Variants in DPP6 observed in about 807,000 individuals in gnomAD.
DPP6 encodes A-type potassium channel modulatory protein DPP6.
A neutral mutation model predicts 122.6 loss-of-function variants in DPP6; 69 were observed. That is an observed-to-expected ratio of 0.56 (90% CI 0.46 to 0.69). The LOEUF (loss-of-function observed/expected upper bound fraction) is 0.69. Among genes scored for constraint, DPP6 ranks in the 30% least tolerant of loss-of-function variants. The pLI, the probability that DPP6 is intolerant of heterozygous loss-of-function variation, is 0.00. For missense variants in DPP6, 928 were observed against 1,116.9 expected, an observed-to-expected ratio of 0.83 and a Z score of 2.41; for synonymous variants, 418 against 433.1, an observed-to-expected ratio of 0.97 and a Z score of 0.43.
chr7:154,663,788 C>G (rs1310265647), intron 6 of DPP6, among the ~76,000 whole-genome samples: 43 of 111,112 alleles, frequency 3.9e-4, no homozygotes, highest in Non-Finnish European at 5.9e-4. Context: ...GGCGTATCGG[C>G]CATAGTGTTC....
At chr7:154,438,201 C>T (rs1973359) in intron 1 of DPP6, among the ~76,000 whole-genome samples, 114,958 of 151,870 alleles carry the variant, frequency 0.76, 44,327 homozygotes, top group East Asian at 0.95. Context: ...GGCACTGTGG[C>T]AAATGCCTGT....
intron 8 of DPP6, among the ~76,000 whole-genome samples, chr7:154,767,093 G>A (rs1795953366): frequency 6.6e-6 from 1 of 152,186 alleles, no homozygotes; most frequent in Admixed American, 6.5e-5. Context: ...GTTTGTTTCT[G>A]TCCAAAGCTG....
chr7:154,073,473 A>C (rs1401370836), intron 1 of DPP6, among the ~76,000 whole-genome samples: 1 of 152,226 alleles, frequency 6.6e-6, no homozygotes, highest in African/African-American at 2.4e-5. Context: ...GATCACACTT[A>C]GTGTTTTATA....
intron 3 of DPP6, among the ~76,000 whole-genome samples, chr7:154,517,257 G>C (rs1197246957): frequency 1.3e-5 from 2 of 152,136 alleles, no homozygotes; most frequent in Non-Finnish European, 2.9e-5. Context: ...CAAGGGAAAG[G>C]AACAAAATCA....
At chr7:154,382,481 G>A (rs1813712179) in intron 1 of DPP6, among the ~76,000 whole-genome samples, 1 of 152,202 alleles carries the variant, frequency 6.6e-6, no homozygotes, top group Non-Finnish European at 1.5e-5. Flanking sequence ...CGCCTATTCT[G>A]GTAGGAATTT....
intron 1 of DPP6, among the ~76,000 whole-genome samples, chr7:154,311,597 C>T (rs1321647922): frequency 6.6e-6 from 1 of 152,066 alleles, no homozygotes; most frequent in Non-Finnish European, 1.5e-5. Flanking sequence ...ATCCTAAAGT[C>T]CTTCCTGACT....
At position 154,374,387 on chromosome 7, in the gene DPP6, G is replaced by A. The variant is rs1481287802; in HGVS notation, c.244-71827G>A. Among the ~76,000 whole-genome samples the A allele has an allele frequency of 4.6e-5, 7 of 152,226 alleles. No individual in the cohort carries two copies. The East Asian group carries it at 5.8e-4, about 13-fold the overall frequency. On this transcript the variant is annotated intron_variant, in intron 1 of 25. Coordinates refer to ENST00000377770, the MANE Select transcript of DPP6 (RefSeq NM_130797.4). ...GGTATCATCACTGTCACTGTTGCACGTGAGCCATTTTAAGGAAAAGGTGTG... is the reference window on the plus strand; with the variant it reads ...GGTATCATCACTGTCACTGTTGCACATGAGCCATTTTAAGGAAAAGGTGTG...
chr7:154,124,330 G>A (rs1175464210), intron 1 of DPP6, among the ~76,000 whole-genome samples: 1 of 152,152 alleles, frequency 6.6e-6, no homozygotes. Context: ...CCAAATGGGT[G>A]GAGAGCGGGA....
intron 1 of DPP6, among the ~76,000 whole-genome samples, chr7:154,367,069 C>T (rs768224737): frequency 5.3e-5 from 8 of 152,130 alleles, no homozygotes; most frequent in Admixed American, 1.3e-4. Context: ...GAGGAGGCAA[C>T]GACGAGCTTT....
chr7:153,898,565 T>C (rs1799508398), intron 1 of DPP6, among the ~76,000 whole-genome samples: 1 of 152,242 alleles, frequency 6.6e-6, no homozygotes, highest in African/African-American at 2.4e-5. Flanking sequence ...ATATCACATG[T>C]ACCTCATAAA....
At chr7:154,846,092 G>C (rs887187427) in intron 16 of DPP6, among the ~76,000 whole-genome samples, 1 of 152,154 alleles carries the variant, frequency 6.6e-6, no homozygotes, top group East Asian at 1.9e-4. Context: ...GAGTGGACAT[G>C]AACTGCACCA....
chr7:154,632,430 A>C (rs967964859), intron 5 of DPP6, among the ~76,000 whole-genome samples: 5 of 152,158 alleles, frequency 3.3e-5, no homozygotes, highest in African/African-American at 1.2e-4. Context: ...ATTGAATTGG[A>C]GTAGGGGAAG....
At position 154,769,620 on chromosome 7, in the gene DPP6, A is replaced by G. The variant is rs1220383391; in HGVS notation, c.1038+49A>G. 2.0e-6 allele frequency: 3 copies of G among 1,489,952 alleles called. No homozygotes were observed. In the South Asian group the frequency reaches 4.1e-5, roughly 20 times the overall value. 92.3% of individuals were successfully genotyped at this position (1,489,952 alleles called of 1,614,324 possible). On this transcript the variant is annotated intron_variant, in intron 9 of 25. Coordinates refer to ENST00000377770, the MANE Select transcript of DPP6 (RefSeq NM_130797.4). ...CAAATTCTTTATATTATTCATGAAC[A>G]CCCCAACCCTGCTCACTCAGTGTGC... is the stretch of plus-strand genomic sequence containing the variant.
intron 1 of DPP6, among the ~76,000 whole-genome samples, chr7:154,104,264 G>A (rs1805979053): frequency 6.6e-6 from 1 of 152,190 alleles, no homozygotes; most frequent in African/African-American, 2.4e-5. Flanking sequence ...GGACGGGAAG[G>A]GGTTGTGCAT....
chr7:154,392,865 G>T (rs1814740646), intron 1 of DPP6, among the ~76,000 whole-genome samples: 1 of 152,182 alleles, frequency 6.6e-6, no homozygotes, highest in South Asian at 2.1e-4. Context: ...CATGGCAAAG[G>T]CATTGCTTGG....
rs139346139 is a variant in DPP6 at position 154,839,623 on chromosome 7, G to A, written c.1667-14157G>A. On this transcript the variant is annotated intron_variant, in intron 16 of 25. Coordinates refer to ENST00000377770, the MANE Select transcript of DPP6 (RefSeq NM_130797.4). ...TTGTTGTTGCCATTACTGTTATTAC[G>A]GTGGTGCCACAGAGGAGGGAGGAGG... Among the ~76,000 whole-genome samples the A allele has an allele frequency of 1.5e-3, 233 of 152,296 alleles. 1 individual carries two copies. The highest frequency in any genetic ancestry group is 5.2e-3 in the African/African-American group (215 of 41,552).
At chr7:154,168,785 A>G (rs1012467243) in intron 1 of DPP6, among the ~76,000 whole-genome samples, 4 of 152,368 alleles carry the variant, frequency 2.6e-5, no homozygotes, top group Admixed American at 1.3e-4. Flanking sequence ...GACATTCACA[A>G]TAGTCAAGAT....
chr7:154,105,795 C>A (rs562986664), intron 1 of DPP6, among the ~76,000 whole-genome samples: 4 of 152,200 alleles, frequency 2.6e-5, no homozygotes, highest in South Asian at 4.2e-4. Context: ...GATTGTGAGG[C>A]CTCCCCAGCC....
chr7:154,586,029 G>A (rs1261729617), intron 5 of DPP6, among the ~76,000 whole-genome samples: 2 of 152,124 alleles, frequency 1.3e-5, no homozygotes, highest in African/African-American at 4.8e-5. Context: ...AGTGAGGGCA[G>A]GAGAGGGATG....
Sources: gnomAD v4.1 joint callset for allele counts (sites outside exome capture counted in the v4.1 genomes callset) on GRCh38, gnomAD v4.1.1 for gene constraint, MANE v1.5 for transcripts, NCBI Gene and HGNC (gene_info 2026-07-23, HGNC 2026-07-21) for gene names.